Variants in PPHLN1 observed in about 807,000 individuals in gnomAD.
PPHLN1 encodes the protein periphilin 1, also known as periphilin-1.
Under a neutral mutation model 51.3 loss-of-function variants are expected in PPHLN1, and 29 were observed. The ratio of observed to expected loss-of-function variants is 0.57; its 90% CI spans 0.42 to 0.77. The LOEUF (loss-of-function observed/expected upper bound fraction) is 0.77, where lower values mean the gene tolerates loss of function less well. Among genes scored for constraint, PPHLN1 ranks in the 30% least tolerant of loss-of-function variants. The probability of loss-of-function intolerance (pLI) is 0.00; values close to 1 mark genes in which losing one functional copy is unlikely to be tolerated. For missense variants in PPHLN1, 436 were observed against 438.4 expected, an observed-to-expected ratio of 0.99 and a Z score of 0.05; for synonymous variants, 147 against 147.8, an observed-to-expected ratio of 0.99 and a Z score of 0.04.
At chr12:42,353,457 T>C (rs2073656995) in intron 3 of PPHLN1, among the ~76,000 whole-genome samples, 1 of 152,230 alleles carries the variant, frequency 6.6e-6, no homozygotes, top group African/African-American at 2.4e-5. Flanking sequence ...GTCTGGTTTC[T>C]CTTACTACTG....
intron 5 of PPHLN1, among the ~76,000 whole-genome samples, chr12:42,378,077 TC>T: frequency 8.4e-6 from 1 of 119,042 alleles, no homozygotes; most frequent in Non-Finnish European, 1.8e-5. Flanking sequence ...CATCTAGCTA[TC>T]TATCTATCTT....
chr12:42,416,017 A>C (rs1471842761), intron 9 of PPHLN1, among the ~76,000 whole-genome samples: 1 of 152,232 alleles, frequency 6.6e-6, no homozygotes, highest in Non-Finnish European at 1.5e-5. Flanking sequence ...TTCAGGTAGG[A>C]TTCTCATAGG....
intron 9 of PPHLN1, among the ~76,000 whole-genome samples, chr12:42,418,161 G>A (rs1480822581): frequency 6.9e-6 from 1 of 144,822 alleles, no homozygotes; most frequent in Non-Finnish European, 1.5e-5. Flanking sequence ...GGATGGTCTC[G>A]ATCTCATGAC....
chr12:42,364,946 ATC>A (rs1173595119), intron 4 of PPHLN1, among the ~76,000 whole-genome samples: 11 of 152,158 alleles, frequency 7.2e-5, no homozygotes, highest in African/African-American at 2.7e-4. Flanking sequence ...TAGTTGGAAG[ATC>A]TCTTAGTCCA....
intron 9 of PPHLN1, among the ~76,000 whole-genome samples, chr12:42,406,347 T>C (rs781063710): frequency 2.6e-5 from 4 of 152,226 alleles, no homozygotes; most frequent in African/African-American, 4.8e-5. Flanking sequence ...CCCAAAGTGC[T>C]GGGATTACAG....
At chr12:42,424,250 C>G (rs987618960) in intron 9 of PPHLN1, among the ~76,000 whole-genome samples, 18 of 152,128 alleles carry the variant, frequency 1.2e-4, no homozygotes, top group Non-Finnish European at 4.4e-5. Flanking sequence ...CATTATAAAA[C>G]CCACTCAAAC....
chr12:42,392,522 G>A (rs2139170782), intron 7 of PPHLN1, among the ~76,000 whole-genome samples: 1 of 152,236 alleles, frequency 6.6e-6, no homozygotes, highest in Non-Finnish European at 1.5e-5. Flanking sequence ...AAGAAGAGAT[G>A]GTTATGCAAC....
intron 9 of PPHLN1, among the ~76,000 whole-genome samples, chr12:42,418,187 G>A (rs1310343145): frequency 2.9e-5 from 4 of 138,336 alleles, no homozygotes; most frequent in East Asian, 2.2e-4. Context: ...GATCTGCCCC[G>A]CCTCGACCAC....
In PPHLN1 at chr12:42,401,697, G is replaced by A. The variant is rs539441879; in HGVS notation, c.909+2703G>A. Among the ~76,000 whole-genome samples, 35 of 152,222 alleles carry A rather than the reference G, an allele frequency of 2.3e-4. 1 individual carries two copies. In the South Asian group the frequency reaches 6.4e-3, roughly 28 times the overall value. Reference sequence around the variant, plus strand: ...ATTGTCTTCCTCAAAACTGGTCCCTGTTGCCAAAAAGGTTGGTGTCTGCTG... The same window carrying A: ...ATTGTCTTCCTCAAAACTGGTCCCTATTGCCAAAAAGGTTGGTGTCTGCTG... On this transcript the variant is annotated intron_variant, in intron 9 of 9. Transcript: ENST00000358314.
At chr12:42,436,721 A>C (rs2082518119) in intron 9 of PPHLN1, among the ~76,000 whole-genome samples, 1 of 152,170 alleles carries the variant, frequency 6.6e-6, no homozygotes, top group Non-Finnish European at 1.5e-5. Context: ...TGAGAGGGCT[A>C]CTAAGTGACT....
At chr12:42,338,739 C>G (rs568255174) in intron 2 of PPHLN1, among the ~76,000 whole-genome samples, 2 of 152,210 alleles carry the variant, frequency 1.3e-5, no homozygotes, top group South Asian at 2.1e-4. Context: ...CCTTGTTGTA[C>G]GTTAAAATTT....
intron 9 of PPHLN1, chr12:42,432,387 G>A: frequency 2.7e-6 from 2 of 752,182 alleles, no homozygotes; most frequent in Non-Finnish European, 5.0e-6. Context: ...TACTCTAAAA[G>A]AACTTGCACA....
intron 2 of PPHLN1, among the ~76,000 whole-genome samples, chr12:42,346,058 T>G (rs1179480527): frequency 1.3e-5 from 2 of 152,176 alleles, no homozygotes; most frequent in East Asian, 3.8e-4. Flanking sequence ...AACATATTCA[T>G]CATCCCACAT....
At position 42,432,969 on chromosome 12, in the gene PPHLN1, C is replaced by T. The variant is rs145366421; in HGVS notation, c.910-8346C>T. On this transcript the variant is annotated intron_variant, in intron 9 of 9. Transcript: ENST00000358314. Reference sequence around the variant, plus strand: ...GGATGGTAAAAAATTCTGCATGCTCCTACTGCTTTCTTAAAATCTTTATGT... The same window carrying T: ...GGATGGTAAAAAATTCTGCATGCTCTTACTGCTTTCTTAAAATCTTTATGT... 9,868 of 1,465,204 alleles carry T rather than the reference C, an allele frequency of 6.7e-3. 249 individuals carry two copies. The East Asian group carries it at 0.083, about 12-fold the overall frequency. The allele number at this position is 1,465,204 out of a possible 1,614,324, so 90.8% of individuals were successfully genotyped here. A position where few individuals can be genotyped will look rare whatever the true frequency, so the allele number is the denominator to read the frequency against.
At chr12:42,369,982 G>T (rs2075646623) in intron 4 of PPHLN1, among the ~76,000 whole-genome samples, 1 of 152,100 alleles carries the variant, frequency 6.6e-6, no homozygotes, top group African/African-American at 2.4e-5. Context: ...GTTGTTTCTT[G>T]TATTTTTCAA....
rs554790151 is a variant in PPHLN1, at chr12:42,389,182, C to T, written c.648+1647C>T. On this transcript the variant is annotated intron_variant, in intron 7 of 9. Coordinates refer to ENST00000358314, the MANE Select transcript of PPHLN1 (RefSeq NM_201439.2). ...GGTCAAGAGATCGAGACCATCCTGG[C>T]CAACGTGGTGAAACCCCGTCTCTAC... Among the ~76,000 whole-genome samples the T allele has an allele frequency of 2.0e-5, 3 of 151,998 alleles. No homozygotes were observed. In the East Asian group the frequency reaches 5.8e-4, roughly 30 times the overall value.
chr12:42,347,682 A>T (rs2072567679), intron 2 of PPHLN1, among the ~76,000 whole-genome samples: 1 of 152,172 alleles, frequency 6.6e-6, no homozygotes, highest in Admixed American at 6.5e-5. Flanking sequence ...CGGGAGGCTG[A>T]GGCAGGAGAA....
chr12:42,379,888 A>G (rs1288130630), intron 5 of PPHLN1, among the ~76,000 whole-genome samples: 1 of 152,026 alleles, frequency 6.6e-6, no homozygotes, highest in East Asian at 1.9e-4. Flanking sequence ...TTAATAATTT[A>G]TGTTGAGGAG....
chr12:42,373,964 G>A (rs1006583850), intron 4 of PPHLN1, among the ~76,000 whole-genome samples: 2 of 152,102 alleles, frequency 1.3e-5, no homozygotes, highest in African/African-American at 4.8e-5. Flanking sequence ...GTGTTGGGGG[G>A]CATGTCCTGG....
Sources: gnomAD v4.1 joint callset for allele counts (sites outside exome capture counted in the v4.1 genomes callset) on GRCh38, gnomAD v4.1.1 for gene constraint, MANE v1.5 for transcripts, NCBI Gene and HGNC (gene_info 2026-07-23, HGNC 2026-07-21) for gene names.